The following ITPKB variants were observed in gnomAD, a reference collection of about 807,000 sequenced individuals.
The protein encoded by ITPKB is IP3 3-kinase B.
Under a neutral mutation model 69.4 loss-of-function variants are expected in ITPKB, and 13 were observed. That is an observed-to-expected ratio of 0.19 (90% CI 0.12 to 0.30). The LOEUF is 0.30. Among genes scored for constraint, ITPKB ranks in the 10% least tolerant of loss-of-function variants. ITPKB has a pLI of 1.00. For missense variants in ITPKB, 1,240 were observed against 1,250.5 expected (o/e 0.99, Z 0.13); for synonymous variants, 584 against 513.7 (o/e 1.14, Z -1.85).
In ITPKB at chr1:226,707,757, T is replaced by C. The variant is rs1455839646; in HGVS notation, c.1932+27770A>G. 3.8e-6 allele frequency: 4 copies of C among 1,061,176 alleles called. No individual in the cohort carries two copies. In the South Asian group the frequency reaches 1.2e-4, roughly 31 times the overall value. 65.7% of individuals were successfully genotyped at this position (1,061,176 alleles called of 1,614,324 possible). On this transcript the variant is annotated intron_variant, in intron 2 of 7. Coordinates refer to ENST00000429204, the MANE Select transcript of ITPKB (RefSeq NM_002221.4). ...TCAAACTACAAACAAAATCCAATGG[T>C]CGTAGGGAAACTGCAGCACTTAGAC...
chr1:226,647,305 A>T lies in ITPKB; in HGVS notation c.2108T>A (p.Leu703Gln). 6.2e-7 allele frequency: 1 copy of T among 1,614,182 alleles called. No homozygotes were observed. The highest frequency in any genetic ancestry group is 8.5e-7 in the Non-Finnish European group (1 of 1,180,006). Residue 703 changes from leucine to glutamine, a missense_variant, in exon 4 of 8, where the codon CTG becomes CAG. Leu to Gln is a moderately radical substitution (Grantham distance 113). This residue lies in a region of ITPKB where 248 missense variants were observed against 396.7 expected (regional missense o/e 0.63). Coordinates refer to ENST00000429204, the MANE Select transcript of ITPKB (RefSeq NM_002221.4). Reference protein sequence around the residue: ...CESEQRCLDRLMVDVLRPFVP... With the variant: ...CESEQRCLDRQMVDVLRPFVP... ...GAAGGGCCTCAGCACATCCACCATC[A>T]GCCGGTCCAGGCAGCGCTGCTCTGA... is the stretch of plus-strand genomic sequence containing the variant.
chr1:226,637,894 G>T lies in ITPKB; in HGVS notation c.2554-144C>A. On this transcript the variant is annotated intron_variant, in intron 6 of 7. Transcript: ENST00000429204. This position sits in a 1 kb window ranked among gnomAD's most constrained non-coding sequence, Gnocchi z 4.3. The stretch of plus-strand genomic sequence containing the variant: ...TCTAGAGGCAGCTTCCTGCGAGCAG[G>T]GCTGCTGTGGCGTCTTTCTCAGCAT... 1 of 653,696 alleles carries T rather than the reference G, an allele frequency of 1.5e-6. No homozygotes were observed. Among genetic ancestry groups the T allele is most frequent in the Non-Finnish European group, 2.8e-6 (1 of 360,324 alleles). 40.5% of individuals were successfully genotyped at this position (653,696 alleles called of 1,614,324 possible).
At position 226,713,650 on chromosome 1, in the gene ITPKB, G is replaced by C. The variant is rs542778423; in HGVS notation, c.1932+21877C>G. 3.3e-5 allele frequency among the ~76,000 whole-genome samples: 5 copies of C among 152,340 alleles called. No homozygotes were observed. In the East Asian group the frequency reaches 9.7e-4, roughly 29 times the overall value. On this transcript the variant is annotated intron_variant, in intron 2 of 7. Transcript: ENST00000429204. ...ATCCAGAATGTTCTCAGTCGCTACT[G>C]TTGGCATCTCTTCGCTCTCAGACTC...
At chr1:226,708,645 T>G (rs575210869) in intron 2 of ITPKB, among the ~76,000 whole-genome samples, 2 of 152,324 alleles carry the variant, frequency 1.3e-5, no homozygotes, top group African/African-American at 4.8e-5. Flanking sequence ...CGAGGAAAGA[T>G]GAGTCAACAC....
At chr1:226,711,916 T>G (rs961452187) in intron 2 of ITPKB, among the ~76,000 whole-genome samples, 3 of 152,070 alleles carry the variant, frequency 2.0e-5, no homozygotes, top group Admixed American at 1.3e-4. Context: ...TAGGGTGAGG[T>G]TGGGCATTTG....
At chr1:226,643,301 G>C in intron 4 of ITPKB, among the ~76,000 whole-genome samples, 1 of 152,152 alleles carries the variant, frequency 6.6e-6, no homozygotes, top group East Asian at 1.9e-4. Context: ...AGCAGAGGTG[G>C]GGTGAGTCAT....
chr1:226,688,675 G>GGCT (rs1656273760), intron 2 of ITPKB, among the ~76,000 whole-genome samples: 1 of 152,204 alleles, frequency 6.6e-6, no homozygotes, highest in Non-Finnish European at 1.5e-5. Flanking sequence ...GTCCCAGGCA[G>GGCT]AGCTTTTATG....
chr1:226,634,536 C>T lies in ITPKB; in HGVS notation c.*135G>A. ...GAAAATGACTAGAAACTCTCATCTC[C>T]TCTTCTACAAAGTGTCTTGTAGTGC... On this transcript the variant is annotated 3_prime_UTR_variant, in exon 8 of 8. Coordinates refer to ENST00000429204, the MANE Select transcript of ITPKB (RefSeq NM_002221.4). This position sits in a 1 kb window ranked among gnomAD's most constrained non-coding sequence, Gnocchi z 6.3. 1 of 605,112 alleles carries T rather than the reference C, an allele frequency of 1.7e-6. No homozygotes were observed. Among genetic ancestry groups the T allele is most frequent in the Non-Finnish European group, 3.0e-6 (1 of 334,734 alleles). The allele number at this position is 605,112 out of a possible 1,614,324, so 37.5% of individuals were successfully genotyped here. A position where few individuals can be genotyped will look rare whatever the true frequency, so the allele number is the denominator to read the frequency against.
chr1:226,691,976 C>T (rs1034386392), intron 2 of ITPKB, among the ~76,000 whole-genome samples: 1 of 152,166 alleles, frequency 6.6e-6, no homozygotes, highest in Admixed American at 6.5e-5. Flanking sequence ...ACCTGCTGAA[C>T]CCCAAATGGG....
intron 2 of ITPKB, among the ~76,000 whole-genome samples, chr1:226,733,849 T>G (rs972792137): frequency 2.0e-5 from 3 of 152,210 alleles, no homozygotes; most frequent in Admixed American, 1.3e-4. Context: ...TTAATTCTCT[T>G]CTAGACAAGA....
intron 2 of ITPKB, among the ~76,000 whole-genome samples, chr1:226,716,012 A>G (rs1045140524): frequency 5.7e-4 from 87 of 152,140 alleles, no homozygotes; most frequent in Non-Finnish European, 1.6e-4. Context: ...GGTTTTGCCA[A>G]GTTGGCCAGG....
At chr1:226,659,947 A>G (rs1450015985) in intron 2 of ITPKB, among the ~76,000 whole-genome samples, 1 of 152,160 alleles carries the variant, frequency 6.6e-6, no homozygotes, top group Non-Finnish European at 1.5e-5. Context: ...CCAGGCCTGG[A>G]AGATAAAGCA....
chr1:226,705,320 G>A (rs892317546), intron 2 of ITPKB, among the ~76,000 whole-genome samples: 3 of 147,698 alleles, frequency 2.0e-5, no homozygotes, highest in African/African-American at 7.3e-5. Flanking sequence ...ACCTGAGGTC[G>A]GGAGTTCGAG....
Position 226,641,085 on chromosome 1 carries a change from G to A in ITPKB, c.2451+836C>T, listed in dbSNP as rs373295654. 1.3e-5 allele frequency among the ~76,000 whole-genome samples: 2 copies of A among 152,216 alleles called. No individual in the cohort carries two copies. The highest frequency in any genetic ancestry group is 2.9e-5 in the Non-Finnish European group (2 of 68,046). ...ACAGCTTCTGAGACCCTGAGGGGCC[G>A]GCGCCCCAAAGCCCGGCTCTTGCAA... On this transcript the variant is annotated intron_variant, in intron 5 of 7. Coordinates refer to ENST00000429204, the MANE Select transcript of ITPKB (RefSeq NM_002221.4). This position sits in a 1 kb window ranked among gnomAD's most constrained non-coding sequence, Gnocchi z 4.6.
intron 2 of ITPKB, among the ~76,000 whole-genome samples, chr1:226,678,330 G>A (rs149743252): frequency 0.013 from 1,933 of 152,302 alleles, 25 homozygotes; most frequent in Non-Finnish European, 0.017. Context: ...CTTAGGAGAG[G>A]GCAAAGGAGC....
rs1039137198 is a variant in ITPKB at position 226,649,432 on chromosome 1, C to T, written c.1933-661G>A. On this transcript the variant is annotated intron_variant, in intron 2 of 7. Coordinates refer to ENST00000429204, the MANE Select transcript of ITPKB (RefSeq NM_002221.4). ...TGTGTGATATGTGCATGAGTGTGTG[C>T]GTATGTGTGCGTGTGTGTGCATGTG... Among the ~76,000 whole-genome samples, 27 of 110,878 alleles carry T rather than the reference C, an allele frequency of 2.4e-4. 1 individual carries two copies. Among genetic ancestry groups the T allele is most frequent in the South Asian group, 1.7e-3 (6 of 3,488 alleles). The allele number at this position is 110,878 out of a possible 152,430, so 72.7% of individuals were successfully genotyped here.
Position 226,736,620 on chromosome 1 carries a change from G to A in ITPKB, c.839C>T (p.Ser280Phe), listed in dbSNP as rs755822329. 11 of 1,613,588 alleles carry A rather than the reference G, an allele frequency of 6.8e-6. No homozygotes were observed. The highest frequency in any genetic ancestry group is 3.3e-5 in the Admixed American group (2 of 60,012). Reference protein sequence around the residue: ...PTAMEIDKRGSPTPGTRSCLA... With the variant: ...PTAMEIDKRGFPTPGTRSCLA... ...GCAGCTCCGAGTTCCCGGGGTAGGA[G>A]AGCCCCTTTTGTCAATTTCCATAGC... Residue 280 changes from serine (S) to phenylalanine (F), a missense_variant, in exon 2 of 8, where the codon TCT becomes TTT. Ser to Phe is a radical substitution (Grantham distance 155). This residue lies in a region of ITPKB where 992 missense variants were observed against 853.8 expected (regional missense o/e 1.16). Transcript: ENST00000429204.
chr1:226,700,132 G>A (rs1054823476), intron 2 of ITPKB, among the ~76,000 whole-genome samples: 2 of 152,092 alleles, frequency 1.3e-5, no homozygotes, highest in African/African-American at 4.8e-5. Context: ...TGACTCAAAT[G>A]CTAATCTCCT....
intron 2 of ITPKB, among the ~76,000 whole-genome samples, chr1:226,691,606 G>A (rs1656354307): frequency 6.6e-6 from 1 of 152,182 alleles, no homozygotes; most frequent in African/African-American, 2.4e-5. Flanking sequence ...ATAGAGCAGA[G>A]CAAAACATTT....
Sources: gnomAD v4.1 joint callset for allele counts (sites outside exome capture counted in the v4.1 genomes callset) on GRCh38, gnomAD v4.1.1 for gene constraint, gnomAD v4.1.1 regional missense constraint, Gnocchi (gnomAD v3.1) non-coding constraint, MANE v1.5 for transcripts, NCBI Gene and HGNC (gene_info 2026-07-23, HGNC 2026-07-21) for gene names.